Variants in PRKCH observed in about 807,000 individuals in gnomAD.
PRKCH encodes protein kinase C eta.
A neutral mutation model predicts 82.5 loss-of-function variants in PRKCH; 28 were observed. The ratio of observed to expected loss-of-function variants is 0.34; its 90% CI spans 0.25 to 0.47. PRKCH has a LOEUF of 0.47. Among genes scored for constraint, PRKCH ranks in the 20% least tolerant of loss-of-function variants. PRKCH has a pLI of 1.00. For missense variants in PRKCH, 705 were observed against 881.8 expected (o/e 0.80, Z 2.54); for synonymous variants, 322 against 327.4 (o/e 0.98, Z 0.18).
intron 1 of PRKCH, among the ~76,000 whole-genome samples, chr14:61,367,036 T>C (rs1036722839): frequency 2.6e-5 from 4 of 152,056 alleles, no homozygotes; most frequent in Admixed American, 2.0e-4. Flanking sequence ...ATATCCACTT[T>C]CCTACATATT....
chr14:61,423,751 G>T (rs1478173205), intron 2 of PRKCH, among the ~76,000 whole-genome samples: 3 of 152,198 alleles, frequency 2.0e-5, no homozygotes, highest in Non-Finnish European at 4.4e-5. Context: ...CTATAATACA[G>T]TTGGGGATGT....
At chr14:61,246,260 A>AAG (rs2044881615) in intron 1 of PRKCH, among the ~76,000 whole-genome samples, 1 of 150,390 alleles carries the variant, frequency 6.6e-6, no homozygotes, top group African/African-American at 2.5e-5. Context: ...AAAAAAAAAA[A>AAG]AGCCAGGTGT....
intron 1 of PRKCH, among the ~76,000 whole-genome samples, chr14:61,231,562 C>T (rs1188858606): frequency 6.6e-6 from 1 of 152,006 alleles, no homozygotes; most frequent in Non-Finnish European, 1.5e-5. Context: ...TTAGTAGAGA[C>T]AGGGTTTCAC....
chr14:61,476,467 C>G (rs1238306948), intron 9 of PRKCH: 5 of 152,242 alleles, frequency 3.3e-5, no homozygotes, highest in African/African-American at 1.2e-4. Flanking sequence ...TGCTCTGACT[C>G]TGCTGTACCC....
At chr14:61,277,964 A>C (rs1323053000) in intron 1 of PRKCH, 1 of 152,202 alleles carries the variant, frequency 6.6e-6, no homozygotes, top group Non-Finnish European at 1.5e-5. Context: ...AAAAGAATTC[A>C]GCAAACTCGA....
rs879725488 is a variant in PRKCH at position 61,210,774 on chromosome 14, C to CTG, written c.-19+23107_-19+23108insGT. ...GTCCTTTCTCTCTCTCTCTCTCTCT[C>CTG]TCTCTCTCTCTCTCTCTGTGTGTGT... is the stretch of plus-strand genomic sequence containing the variant. On this transcript the variant is annotated intron_variant, in intron 1 of 3. Coordinates refer to the PRKCH transcript ENST00000555185. Among the ~76,000 whole-genome samples, 48 of 110,924 alleles carry CTG rather than the reference C, an allele frequency of 4.3e-4. 1 individual carries two copies. In the East Asian group the frequency reaches 0.013, roughly 31 times the overall value. 72.8% of individuals were successfully genotyped at this position (110,924 alleles called of 152,430 possible).
intron 1 of PRKCH, among the ~76,000 whole-genome samples, chr14:61,269,390 G>T (rs2045132065): frequency 6.6e-6 from 1 of 152,000 alleles, no homozygotes; most frequent in Non-Finnish European, 1.5e-5. Flanking sequence ...TAAGTTCAGG[G>T]GTACACGTGC....
chr14:61,499,939 G>T (rs188051914), intron 10 of PRKCH, among the ~76,000 whole-genome samples: 1 of 151,156 alleles, frequency 6.6e-6, no homozygotes, highest in Admixed American at 6.6e-5. Flanking sequence ...ATATGTGAAG[G>T]CAGTCTGGGT....
chr14:61,192,747 A>G (rs2044414649), intron 1 of PRKCH, among the ~76,000 whole-genome samples: 2 of 152,222 alleles, frequency 1.3e-5, no homozygotes, highest in South Asian at 4.1e-4. Flanking sequence ...GCTAAGGCCA[A>G]CCAAATGTTG....
At chr14:61,187,916 C>CAT (rs2044375254) in intron 1 of PRKCH, among the ~76,000 whole-genome samples, 1 of 152,188 alleles carries the variant, frequency 6.6e-6, no homozygotes, top group Non-Finnish European at 1.5e-5. Flanking sequence ...TTCTCTGGCA[C>CAT]ATAGTGGGCA....
chr14:61,528,599 A>G (rs749286857), intron 10 of PRKCH, among the ~76,000 whole-genome samples: 23 of 148,760 alleles, frequency 1.5e-4, no homozygotes, highest in Non-Finnish European at 3.4e-4. Flanking sequence ...TTTGTCTCCC[A>G]TTACACTGTG....
At chr14:61,364,061 A>G (rs1781872437) in intron 1 of PRKCH, among the ~76,000 whole-genome samples, 1 of 147,630 alleles carries the variant, frequency 6.8e-6, no homozygotes, top group Non-Finnish European at 1.5e-5. Flanking sequence ...ATTTGTGTGT[A>G]TATATATAAA....
intron 10 of PRKCH, among the ~76,000 whole-genome samples, chr14:61,499,376 G>A (rs926663747): frequency 6.6e-6 from 1 of 152,180 alleles, no homozygotes; most frequent in African/African-American, 2.4e-5. Context: ...GTTGCAAAGA[G>A]AAGTTAGTGA....
chr14:61,364,332 T>C (rs1212701311), intron 1 of PRKCH, among the ~76,000 whole-genome samples: 2 of 151,758 alleles, frequency 1.3e-5, no homozygotes, highest in Non-Finnish European at 2.9e-5. Context: ...GATGAGATGA[T>C]TGAGGAAAAG....
At chr14:61,432,854 G>A (rs1331723870) in intron 2 of PRKCH, among the ~76,000 whole-genome samples, 3 of 151,422 alleles carry the variant, frequency 2.0e-5, no homozygotes. Flanking sequence ...GATAATAGGC[G>A]TGAGCCACCG....
At chr14:61,509,851 G>T (rs973027367) in intron 10 of PRKCH, among the ~76,000 whole-genome samples, 1 of 152,154 alleles carries the variant, frequency 6.6e-6, no homozygotes, top group African/African-American at 2.4e-5. Context: ...GGAGGCAGAG[G>T]TTGCAGTGAG....
At chr14:61,272,724 A>G (rs1219562793) in intron 1 of PRKCH, among the ~76,000 whole-genome samples, 1 of 152,198 alleles carries the variant, frequency 6.6e-6, no homozygotes, top group Non-Finnish European at 1.5e-5. Flanking sequence ...GCTTCTGAGT[A>G]TCTACAAAAA....
Position 61,549,707 on chromosome 14 carries a change from A to G in PRKCH, c.1928A>G (p.Asn643Ser). The change falls in exon 14 of 14, where the codon AAT becomes AGT. Residue 643 changes from asparagine to serine, a missense_variant. Coordinates refer to ENST00000332981, the MANE Select transcript of PRKCH (RefSeq NM_006255.5). The stretch of plus-strand genomic sequence containing the variant: ...CAGAAATCCCGAGAAGATGTCAGTA[A>G]TTTTGACCCTGACTTCATAAAGGAA... The part of the protein sequence containing the change: ...PRIKSREDVS[N>S]FDPDFIKEEP... 1 of 1,613,114 alleles carries G rather than the reference A, an allele frequency of 6.2e-7. No individual in the cohort carries two copies. The highest frequency in any genetic ancestry group is 8.5e-7 in the Non-Finnish European group (1 of 1,179,866).
intron 2 of PRKCH, among the ~76,000 whole-genome samples, chr14:61,416,032 T>G (rs1882529243): frequency 7.1e-6 from 1 of 140,092 alleles, no homozygotes; most frequent in African/African-American, 2.7e-5. Context: ...CCCTTGCCTC[T>G]TTTTTCTTTT....
Sources: allele counts gnomAD v4.1 joint callset (sites outside exome capture counted in the v4.1 genomes callset), GRCh38; gene constraint gnomAD v4.1.1; transcripts MANE v1.5; gene names NCBI Gene and HGNC (gene_info 2026-07-23, HGNC 2026-07-21).